UNC5D: variants seen among roughly 807,000 people sequenced by gnomAD.
UNC5D encodes the protein unc-5 netrin receptor D.
UNC5D carries 39 observed loss-of-function variants against 105.4 expected under a neutral mutation model. That is an observed-to-expected ratio of 0.37 (90% CI 0.29 to 0.48). The LOEUF is 0.48. Among genes scored for constraint, UNC5D ranks in the 20% least tolerant of loss-of-function variants. The pLI is 0.98. For missense variants in UNC5D, 991 were observed against 1,202.4 expected (o/e 0.82, Z 2.60); for synonymous variants, 452 against 450.4 (o/e 1.00, Z -0.04).
intron 1 of UNC5D, among the ~76,000 whole-genome samples, chr8:35,404,488 A>C (rs1424152180): frequency 6.6e-6 from 1 of 152,202 alleles, no homozygotes; most frequent in African/African-American, 2.4e-5. Context: ...AGCAGAGTTG[A>C]TGTCATCTAG....
At chr8:35,272,234 T>G (rs983626218) in intron 1 of UNC5D, among the ~76,000 whole-genome samples, 1 of 152,186 alleles carries the variant, frequency 6.6e-6, no homozygotes, top group Non-Finnish European at 1.5e-5. Context: ...AAGTATATTT[T>G]CAGTTGACTA....
Position 35,726,456 on chromosome 8 carries a change from C to A in UNC5D, c.1608C>A (p.Leu536=). The A allele has an allele frequency of 1.2e-6, 2 of 1,614,116 alleles. No homozygotes were observed. The highest frequency in any genetic ancestry group is 1.7e-6 in the Non-Finnish European group (2 of 1,180,010). The change falls in exon 10 of 17, where the codon CTC becomes CTA. Residue 536 remains leucine, a synonymous_variant. Transcript: ENST00000404895. ...CCTACATCCAAAATCTGTCATCACT[C>A]CCCACAAGGACAGAACTGAGGACAA... ...KMPYIQNLSS[L]PTRTELRTTG... is the part of the protein sequence containing the mutation.
At chr8:35,602,685 T>C (rs1047177282) in intron 4 of UNC5D, among the ~76,000 whole-genome samples, 6 of 152,226 alleles carry the variant, frequency 3.9e-5, no homozygotes, top group African/African-American at 1.4e-4. Flanking sequence ...TTGATTCTTC[T>C]CTTTTTTCTT....
At chr8:35,342,743 G>A (rs546921676) in intron 1 of UNC5D, among the ~76,000 whole-genome samples, 1 of 152,162 alleles carries the variant, frequency 6.6e-6, no homozygotes, top group South Asian at 2.1e-4. Flanking sequence ...TACCTTACTA[G>A]CTCAGGGGAG....
chr8:35,480,821 G>A (rs1262853721), intron 1 of UNC5D, among the ~76,000 whole-genome samples: 1 of 152,118 alleles, frequency 6.6e-6, no homozygotes, highest in African/African-American at 2.4e-5. Flanking sequence ...CTAGACCCTT[G>A]GTCTGATTAC....
Position 35,568,100 on chromosome 8 carries a change from T to C in UNC5D, c.325T>C (p.Leu109=). 2 of 1,614,064 alleles carry C rather than the reference T, an allele frequency of 1.2e-6. No individual in the cohort carries two copies. Among genetic ancestry groups the C allele is most frequent in the Non-Finnish European group, 1.7e-6 (2 of 1,179,962 alleles). Residue 109 remains leucine, a splice_region_variant and synonymous_variant, in exon 3 of 17, where the codon TTG becomes CTG. Coordinates refer to ENST00000404895, the MANE Select transcript of UNC5D (RefSeq NM_080872.4). The stretch of plus-strand genomic sequence containing the variant: ...TCTCTTATCTCTCCCACCATCAGGT[T>C]TGAAGGTCCGCGAAGTGTTCATCAA... ...SEETLDESSG[L]KVREVFINVT...
At chr8:35,516,406 C>T (rs1344282300) in intron 1 of UNC5D, among the ~76,000 whole-genome samples, 2 of 152,178 alleles carry the variant, frequency 1.3e-5, no homozygotes, top group African/African-American at 4.8e-5. Context: ...TTGTACTTCT[C>T]ACAGCTCGTA....
At chr8:35,393,526 G>A (rs1053736565) in intron 1 of UNC5D, among the ~76,000 whole-genome samples, 4 of 152,086 alleles carry the variant, frequency 2.6e-5, no homozygotes, top group Non-Finnish European at 4.4e-5. Flanking sequence ...TTGTATTTGA[G>A]TTTTTATATC....
In UNC5D at chr8:35,795,724, C is replaced by A. The variant is rs933423278; in HGVS notation, c.*5161C>A. On this transcript the variant is annotated 3_prime_UTR_variant, in exon 17 of 17. Coordinates refer to ENST00000404895, the MANE Select transcript of UNC5D (RefSeq NM_080872.4). ...ATGGCTAGATTATGTAGGTCACTAC[C>A]ATTCAAAACTTTTCTATACAAAGGT... 1.3e-5 allele frequency: 2 copies of A among 152,176 alleles called. No individual in the cohort carries two copies. Among genetic ancestry groups the A allele is most frequent in the African/African-American group, 2.4e-5 (1 of 41,454 alleles). 9.4% of individuals were successfully genotyped at this position (152,176 alleles called of 1,614,324 possible).
rs571060130 is a variant in UNC5D, at chr8:35,507,118, G to T, written c.104-42174G>T. Among the ~76,000 whole-genome samples the T allele has an allele frequency of 6.2e-5, 9 of 144,588 alleles. No homozygotes were observed. In the South Asian group the frequency reaches 2.0e-3, roughly 32 times the overall value. The allele number at this position is 144,588 out of a possible 152,430, so 94.9% of individuals were successfully genotyped here. The stretch of plus-strand genomic sequence containing the variant: ...TCGCCCAGGCTGGAGTGCAGTGGCG[G>T]GATCTCGGCTCACTGCAAGCTCCGC... On this transcript the variant is annotated intron_variant, in intron 1 of 16. Transcript: ENST00000404895.
chr8:35,439,145 A>G (rs955963032), intron 1 of UNC5D, among the ~76,000 whole-genome samples: 1 of 151,960 alleles, frequency 6.6e-6, no homozygotes, highest in East Asian at 1.9e-4. Context: ...ATTGCCTTAC[A>G]GACTGAAAAG....
At chr8:35,640,755 C>T (rs888811688) in intron 4 of UNC5D, among the ~76,000 whole-genome samples, 2 of 152,044 alleles carry the variant, frequency 1.3e-5, no homozygotes, top group Non-Finnish European at 2.9e-5. Flanking sequence ...CTTTTGAATT[C>T]GGATCTATTT....
At position 35,494,028 on chromosome 8, in the gene UNC5D, T is replaced by G. The variant is rs546659036; in HGVS notation, c.104-55264T>G. 2.6e-5 allele frequency among the ~76,000 whole-genome samples: 4 copies of G among 152,294 alleles called. No individual in the cohort carries two copies. The South Asian group carries it at 8.3e-4, about 32-fold the overall frequency. ...AACTTTCCACCAGTAGATAGTTCTA[T>G]TTAATACAGTAGATCCCAACTGAAA... On this transcript the variant is annotated intron_variant, in intron 1 of 16. Coordinates refer to ENST00000404895, the MANE Select transcript of UNC5D (RefSeq NM_080872.4).
rs752599540 is a variant in UNC5D, at chr8:35,300,446, CAAAAAAAAAAA to C, written c.103+64597_103+64607del. Among the ~76,000 whole-genome samples the C allele has an allele frequency of 5.3e-4, 31 of 58,394 alleles. 2 individuals carry two copies. Among genetic ancestry groups the C allele is most frequent in the South Asian group, 1.4e-3 (2 of 1,474 alleles). The allele number at this position is 58,394 out of a possible 152,430, so 38.3% of individuals were successfully genotyped here. On this transcript the variant is annotated intron_variant, in intron 1 of 16. Coordinates refer to ENST00000404895, the MANE Select transcript of UNC5D (RefSeq NM_080872.4). ...TGGGCAACAGAGAGAGACTCCCTCT[CAAAAAAAAAAA>C]AAAAAAAAAAAAAAAAAAAAAAAAA... is the stretch of plus-strand genomic sequence containing the variant.
intron 1 of UNC5D, among the ~76,000 whole-genome samples, chr8:35,264,494 G>A (rs1217295481): frequency 2.0e-5 from 3 of 152,130 alleles, no homozygotes; most frequent in South Asian, 2.1e-4. Flanking sequence ...TTGGGAGGCC[G>A]AGGTGGGTGG....
intron 4 of UNC5D, among the ~76,000 whole-genome samples, chr8:35,606,333 C>T (rs576245312): frequency 1.2e-4 from 18 of 152,214 alleles, no homozygotes; most frequent in African/African-American, 3.4e-4. Flanking sequence ...TGGTACATCC[C>T]GTACAATGAC....
intron 1 of UNC5D, among the ~76,000 whole-genome samples, chr8:35,242,187 G>C (rs1802845187): frequency 6.6e-6 from 1 of 152,134 alleles, no homozygotes; most frequent in Non-Finnish European, 1.5e-5. Context: ...TTTTCCACAG[G>C]TGGGAAAATA....
chr8:35,420,650 C>T (rs997126824), intron 1 of UNC5D, among the ~76,000 whole-genome samples: 1 of 152,168 alleles, frequency 6.6e-6, no homozygotes, highest in Non-Finnish European at 1.5e-5. Context: ...CCTACTCTCC[C>T]CTTTGTCCCT....
chr8:35,741,050 C>G (rs1217588381), intron 11 of UNC5D, among the ~76,000 whole-genome samples: 3 of 152,140 alleles, frequency 2.0e-5, no homozygotes, highest in African/African-American at 7.2e-5. Flanking sequence ...AAGGCACTTT[C>G]AATGAGCCAT....
Sources: gnomAD v4.1 joint callset for allele counts (sites outside exome capture counted in the v4.1 genomes callset) on GRCh38, gnomAD v4.1.1 for gene constraint, MANE v1.5 for transcripts, NCBI Gene and HGNC (gene_info 2026-07-23, HGNC 2026-07-21) for gene names.